Variants in KCNT2 observed in about 807,000 individuals in gnomAD.
KCNT2 encodes the protein potassium sodium-activated channel subfamily T member 2.
In KCNT2, 67 loss-of-function variants were observed where a neutral mutation model predicts 153.8. That is an observed-to-expected ratio of 0.44 (90% CI 0.36 to 0.53). The LOEUF is 0.53. KCNT2 is among the 20% of genes least tolerant of loss of function. The pLI is 0.00. For missense variants in KCNT2, 975 were observed against 1,354.8 expected (o/e 0.72, Z 4.40); for synonymous variants, 500 against 458.8 (o/e 1.09, Z -1.15).
At chr1:196,306,382 CTCAT>C (rs1327233680) in intron 21 of KCNT2, among the ~76,000 whole-genome samples, 2 of 152,086 alleles carry the variant, frequency 1.3e-5, no homozygotes, top group Non-Finnish European at 2.9e-5. Context: ...TGAATTTATG[CTCAT>C]TCAGTCATGA....
rs141399903 is a variant in KCNT2, at chr1:196,427,661, G to A, written c.984+444C>T. On this transcript the variant is annotated intron_variant, in intron 10 of 27. Transcript: ENST00000294725. Reference sequence around the variant, plus strand: ...ACTTCAGGAAACAAAAGAAAAAAATGAAAGTCCCAGACTTCCACATTTCCA... The same window carrying A: ...ACTTCAGGAAACAAAAGAAAAAAATAAAAGTCCCAGACTTCCACATTTCCA... Among the ~76,000 whole-genome samples, 404 of 152,106 alleles carry A rather than the reference G, an allele frequency of 2.7e-3. 3 individuals are homozygous for A. Among genetic ancestry groups the A allele is most frequent in the African/African-American group, 9.3e-3 (386 of 41,544 alleles).
chr1:196,442,639 A>G (rs1327617994), intron 8 of KCNT2, among the ~76,000 whole-genome samples: 1 of 151,638 alleles, frequency 6.6e-6, no homozygotes, highest in Non-Finnish European at 1.5e-5. Context: ...TTCGGTAGAG[A>G]AGGTTAAGCA....
At chr1:196,524,271 A>C (rs933786290) in intron 1 of KCNT2, among the ~76,000 whole-genome samples, 1 of 152,072 alleles carries the variant, frequency 6.6e-6, no homozygotes, top group Non-Finnish European at 1.5e-5. Flanking sequence ...CTGGATTCTG[A>C]TCATTTTGAT....
intron 12 of KCNT2, among the ~76,000 whole-genome samples, chr1:196,405,884 T>G (rs1671789341): frequency 6.6e-6 from 1 of 151,550 alleles, no homozygotes; most frequent in Non-Finnish European, 1.5e-5. Flanking sequence ...TATAAGCGAT[T>G]GAGCAAACTA....
intron 1 of KCNT2, among the ~76,000 whole-genome samples, chr1:196,536,729 G>A (rs1474016533): frequency 6.6e-6 from 1 of 152,174 alleles, no homozygotes; most frequent in East Asian, 1.9e-4. Flanking sequence ...CACTGGGTAA[G>A]TCATCCATAC....
chr1:196,558,938 TTAA>T (rs1659039483), intron 1 of KCNT2, among the ~76,000 whole-genome samples: 2 of 151,466 alleles, frequency 1.3e-5, no homozygotes, highest in African/African-American at 4.8e-5. Flanking sequence ...AAGTAATATC[TTAA>T]TAAAACAAGT....
intron 1 of KCNT2, among the ~76,000 whole-genome samples, chr1:196,502,022 CAGG>C (rs1372758683): frequency 6.6e-6 from 1 of 152,126 alleles, no homozygotes; most frequent in East Asian, 1.9e-4. Flanking sequence ...GAAGCAGAGG[CAGG>C]AGAATTGCTT....
At chr1:196,351,499 T>A (rs548456696) in intron 14 of KCNT2, among the ~76,000 whole-genome samples, 2 of 152,058 alleles carry the variant, frequency 1.3e-5, no homozygotes, top group Non-Finnish European at 2.9e-5. Flanking sequence ...GATTTGGCTC[T>A]CTGTTTGTCT....
chr1:196,412,786 T>C (rs914009720), intron 12 of KCNT2, among the ~76,000 whole-genome samples: 4 of 151,746 alleles, frequency 2.6e-5, no homozygotes, highest in Non-Finnish European at 4.4e-5. Flanking sequence ...AATATGTTCA[T>C]AGTCATGCAA....
intron 1 of KCNT2, among the ~76,000 whole-genome samples, chr1:196,507,335 C>G (rs1178003636): frequency 6.6e-6 from 1 of 152,144 alleles, no homozygotes; most frequent in Non-Finnish European, 1.5e-5. Context: ...ACGAGGTGCT[C>G]TTTCAATGCA....
intron 1 of KCNT2, among the ~76,000 whole-genome samples, chr1:196,594,873 A>G (rs1663858122): frequency 6.6e-6 from 1 of 152,176 alleles, no homozygotes; most frequent in African/African-American, 2.4e-5. Flanking sequence ...CATTTTAGGA[A>G]GAAAAGCCAA....
chr1:196,589,635 T>C (rs991286816), intron 1 of KCNT2, among the ~76,000 whole-genome samples: 3 of 152,046 alleles, frequency 2.0e-5, no homozygotes, highest in Non-Finnish European at 4.4e-5. Context: ...GTATACAACA[T>C]GAGTATGTGT....
At chr1:196,531,332 G>C (rs1352161146) in intron 1 of KCNT2, among the ~76,000 whole-genome samples, 2 of 151,994 alleles carry the variant, frequency 1.3e-5, no homozygotes, top group Admixed American at 1.3e-4. Flanking sequence ...ATCAAGAAAA[G>C]TGGCATGGAA....
At chr1:196,501,054 G>C (rs959646902) in intron 1 of KCNT2, among the ~76,000 whole-genome samples, 1 of 152,110 alleles carries the variant, frequency 6.6e-6, no homozygotes, top group Non-Finnish European at 1.5e-5. Context: ...AAAAACAACA[G>C]ATGTTGGAAA....
At chr1:196,557,641 CA>C (rs1257846482) in intron 1 of KCNT2, among the ~76,000 whole-genome samples, 1 of 150,890 alleles carries the variant, frequency 6.6e-6, no homozygotes, top group East Asian at 1.9e-4. Context: ...TAATTAATAG[CA>C]ATGTTATTCT....
intron 1 of KCNT2, among the ~76,000 whole-genome samples, chr1:196,499,028 G>T (rs1192573761): frequency 1.3e-5 from 2 of 152,148 alleles, no homozygotes; most frequent in Non-Finnish European, 2.9e-5. Flanking sequence ...AAATATGACA[G>T]ATGTCTTTAT....
chr1:196,501,346 G>T (rs1680680129), intron 1 of KCNT2, among the ~76,000 whole-genome samples: 1 of 151,844 alleles, frequency 6.6e-6, no homozygotes. Context: ...GAAAATGTGG[G>T]GTAGATATAG....
At chr1:196,480,336 T>A (rs1248494148) in intron 4 of KCNT2, among the ~76,000 whole-genome samples, 1 of 152,102 alleles carries the variant, frequency 6.6e-6, no homozygotes, top group East Asian at 1.9e-4. Context: ...AAAAGAATAT[T>A]AAAACAGGAG....
intron 4 of KCNT2, among the ~76,000 whole-genome samples, chr1:196,480,104 G>A (rs1170592191): frequency 6.6e-6 from 1 of 151,754 alleles, no homozygotes; most frequent in African/African-American, 2.4e-5. Flanking sequence ...ATATTACTGT[G>A]CCACAAAAAG....
Sources: gnomAD v4.1 joint callset for allele counts (sites outside exome capture counted in the v4.1 genomes callset) on GRCh38, gnomAD v4.1.1 for gene constraint, MANE v1.5 for transcripts, NCBI Gene and HGNC (gene_info 2026-07-23, HGNC 2026-07-21) for gene names.